The following HDAC10 variants were observed in gnomAD, a reference collection of about 807,000 sequenced individuals.
HDAC10 encodes the protein polyamine deacetylase HDAC10.
HDAC10 carries 90 observed loss-of-function variants against 82.3 expected under a neutral mutation model. The ratio of observed to expected loss-of-function variants is 1.09; its 90% CI spans 0.92 to 1.30. The LOEUF (loss-of-function observed/expected upper bound fraction) is 1.30, where lower values mean the gene tolerates loss of function less well. Ranked by LOEUF, HDAC10 falls within the 50% of genes most tolerant of loss-of-function variation. HDAC10 has a pLI of 0.00. For synonymous variants in HDAC10, 456 were observed against 391.7 expected (o/e 1.16, Z -1.94); for missense variants, 934 against 876.3 (o/e 1.07, Z -0.83).
At chr22:50,250,219 T>G in intron 3 of HDAC10, 59 bp from the exon 4 acceptor site, 1 of 1,470,136 alleles carries the variant, frequency 6.8e-7, no homozygotes, top group Non-Finnish European at 9.4e-7. Flanking sequence ...TTGCAGGCCA[T>G]ACCCACACTT....
intron 2 of HDAC10, 25 bp from the exon 3 acceptor site, chr22:50,250,548 G>A: frequency 6.3e-7 from 1 of 1,582,880 alleles, no homozygotes; most frequent in Non-Finnish European, 8.7e-7. Flanking sequence ...GCAGGCAGGA[G>A]AGGCAGGGTC....
Position 50,248,537 on chromosome 22 carries a change from G to C in HDAC10, c.907-65C>G, listed in dbSNP as rs562656108. 4 of 1,524,490 alleles carry C rather than the reference G, an allele frequency of 2.6e-6. No homozygotes were observed. Among genetic ancestry groups the C allele is most frequent in the Non-Finnish European group, 3.5e-6 (4 of 1,129,368 alleles). The allele number at this position is 1,524,490 out of a possible 1,614,324, so 94.4% of individuals were successfully genotyped here. On this transcript the variant is annotated intron_variant, in intron 10 of 19. Coordinates refer to ENST00000216271, the MANE Select transcript of HDAC10 (RefSeq NM_032019.6). The surrounding 1 kb of genome is among the most constrained non-coding windows in gnomAD (Gnocchi z 5.4). ...ACTGGGATGGGATGTCACCGGGAGA[G>C]CCCCTGCCTGGCTCTATCCCGGGCA...
intron 17 of HDAC10, 97 bp from the exon 18 acceptor site, chr22:50,246,189 G>GA: frequency 6.5e-7 from 1 of 1,529,456 alleles, no homozygotes; most frequent in Non-Finnish European, 8.9e-7. Context: ...TAGGAGCAGG[G>GA]AGACAGGAAG....
At chr22:50,250,676 T>C in intron 2 of HDAC10, 95 bp downstream of exon 2, 1 of 1,390,254 alleles carries the variant, frequency 7.2e-7, no homozygotes, top group South Asian at 1.4e-5. Context: ...GGCTCTGTAT[T>C]CGAGGCTGGC....
rs1322011624 is a variant in HDAC10, at chr22:50,248,896, G to A, written c.757-6C>T. 2 of 1,610,348 alleles carry A rather than the reference G, an allele frequency of 1.2e-6. No homozygotes were observed. The highest frequency in any genetic ancestry group is 3.3e-5 in the Admixed American group (2 of 59,760). On this transcript the variant is annotated splice_region_variant and splice_polypyrimidine_tract_variant and intron_variant, in intron 8 of 19. Transcript: ENST00000216271. This position sits in a 1 kb window ranked among gnomAD's most constrained non-coding sequence, Gnocchi z 5.4. ...AGCACCAGCTCAGGGTCAAACTACAGGCCAGGCCGGAGTGGGGAGGGTCGA... is the reference window on the plus strand; with the variant it reads ...AGCACCAGCTCAGGGTCAAACTACAAGCCAGGCCGGAGTGGGGAGGGTCGA...
rs758728540 is a variant in HDAC10, at chr22:50,249,174, A to G, written c.691-6T>C. On this transcript the variant is annotated splice_polypyrimidine_tract_variant and splice_region_variant and intron_variant, in intron 7 of 19. Coordinates refer to ENST00000216271, the MANE Select transcript of HDAC10 (RefSeq NM_032019.6). The surrounding 1 kb of genome is among the most constrained non-coding windows in gnomAD (Gnocchi z 4.4). ...TCAGCGTTTCCCATCCCAACCTGGC[A>G]GGACATCCCAGGCTACATCCTGAAC... 32 of 1,533,176 alleles carry G rather than the reference A, an allele frequency of 2.1e-5. No homozygotes were observed. The highest frequency in any genetic ancestry group is 1.8e-6 in the Non-Finnish European group (2 of 1,134,122). The allele number at this position is 1,533,176 out of a possible 1,614,324, so 95.0% of individuals were successfully genotyped here. A position where few individuals can be genotyped will look rare whatever the true frequency, so the allele number is the denominator to read the frequency against.
In HDAC10 at chr22:50,247,672, C is replaced by T. The variant is rs1301631057; in HGVS notation, c.1422+20G>A. On this transcript the variant is annotated intron_variant, in intron 14 of 19. Coordinates refer to ENST00000216271, the MANE Select transcript of HDAC10 (RefSeq NM_032019.6). ...GCCCCTAGGTCCACAGCATCCCCAA[C>T]CCCTCCCAGGTGCTCCCACCTGCCC... 3.9e-6 allele frequency: 6 copies of T among 1,538,690 alleles called. No individual in the cohort carries two copies. The Admixed American group carries it at 1.1e-4, about 28-fold the overall frequency.
At position 50,249,303 on chromosome 22, in the gene HDAC10, G is replaced by T. The variant is rs1225441413; in HGVS notation, c.690+25C>A. ...GGCCCAGGGGGAGGGGGCTGGGTGGGGACCTGGGGCTTGAGGGTGGGCACC... is the reference window on the plus strand; with the variant it reads ...GGCCCAGGGGGAGGGGGCTGGGTGGTGACCTGGGGCTTGAGGGTGGGCACC... On this transcript the variant is annotated intron_variant, in intron 7 of 19. Coordinates refer to ENST00000216271, the MANE Select transcript of HDAC10 (RefSeq NM_032019.6). This position sits in a 1 kb window ranked among gnomAD's most constrained non-coding sequence, Gnocchi z 4.4. 3 of 1,561,578 alleles carry T rather than the reference G, an allele frequency of 1.9e-6. No homozygotes were observed. Among genetic ancestry groups the T allele is most frequent in the Non-Finnish European group, 2.6e-6 (3 of 1,152,892 alleles).
In HDAC10 at chr22:50,248,903, C is replaced by G. The variant is rs778123124; in HGVS notation, c.757-13G>C. The G allele has an allele frequency of 1.9e-6, 3 of 1,609,334 alleles. No homozygotes were observed. The Admixed American group carries it at 5.0e-5, about 27-fold the overall frequency. Reference sequence around the variant, plus strand: ...GCTCAGGGTCAAACTACAGGCCAGGCCGGAGTGGGGAGGGTCGACAGAGAG... The same window carrying G: ...GCTCAGGGTCAAACTACAGGCCAGGGCGGAGTGGGGAGGGTCGACAGAGAG... On this transcript the variant is annotated splice_polypyrimidine_tract_variant and intron_variant, in intron 8 of 19. Coordinates refer to ENST00000216271, the MANE Select transcript of HDAC10 (RefSeq NM_032019.6). This position sits in a 1 kb window ranked among gnomAD's most constrained non-coding sequence, Gnocchi z 5.4.
Position 50,249,051 on chromosome 22 carries a change from A to C in HDAC10, c.756+52T>G. Reference sequence around the variant, plus strand: ...CTGCCTTCACTGGCGCACTCCAGGCACAAGGTCCCCCTCCCACCCGGCTGC... The same window carrying C: ...CTGCCTTCACTGGCGCACTCCAGGCCCAAGGTCCCCCTCCCACCCGGCTGC... On this transcript the variant is annotated intron_variant, in intron 8 of 19. Transcript: ENST00000216271. The surrounding 1 kb of genome is among the most constrained non-coding windows in gnomAD (Gnocchi z 4.4). The C allele has an allele frequency of 6.6e-7, 1 of 1,507,240 alleles. No homozygotes were observed. Among genetic ancestry groups the C allele is most frequent in the Non-Finnish European group, 9.1e-7 (1 of 1,104,006 alleles). 93.4% of individuals were successfully genotyped at this position (1,507,240 alleles called of 1,614,324 possible).
chr22:50,245,753 G>A lies in HDAC10; in HGVS notation c.1908C>T (p.Ser636=). The A allele has an allele frequency of 6.2e-7, 1 of 1,611,716 alleles. No individual in the cohort carries two copies. Residue 636 remains serine (S), a synonymous_variant, in exon 19 of 20, where the codon TCC becomes TCT. Coordinates refer to ENST00000216271, the MANE Select transcript of HDAC10 (RefSeq NM_032019.6). ...GGACGTCCTCTGGGGAGGCCACAGA[G>A]GAAGGGCCTAGGCTAGGAGGTGCCT... ...NGEAPPSLGP[S]SVASPEDVQA...
chr22:50,251,123 G>A lies in HDAC10; in HGVS notation c.-91C>T. ...CCACCTTCGGCCGGGAGCAGCCGGA[G>A]GCCTGGGACCTGCCTGGGGCGCAGG... On this transcript the variant is annotated 5_prime_UTR_variant, in exon 1 of 20. Coordinates refer to ENST00000216271, the MANE Select transcript of HDAC10 (RefSeq NM_032019.6). The A allele has an allele frequency of 3.6e-6, 5 of 1,398,424 alleles. No homozygotes were observed. The South Asian group carries it at 6.4e-5, about 18-fold the overall frequency. 86.6% of individuals were successfully genotyped at this position (1,398,424 alleles called of 1,614,324 possible).
At position 50,250,489 on chromosome 22, in the gene HDAC10, C is replaced by G. The variant is rs1269127383; in HGVS notation, c.229G>C (p.Val77Leu). ...EYVSLVRETQ[V>L]LGKEELQALS... is the part of the protein sequence containing the mutation. ...GCCTGCAGCTCCTCCTTGCCTAGGACCTGGGTCTCCCTGACCAGGGATACA... is the reference window on the plus strand; with the variant it reads ...GCCTGCAGCTCCTCCTTGCCTAGGAGCTGGGTCTCCCTGACCAGGGATACA... Residue 77 changes from valine (V) to leucine (L), a missense_variant, in exon 3 of 20, where the codon GTC becomes CTC. By Grantham distance (32) the Val-to-Leu change is conservative (BLOSUM62 1). Transcript: ENST00000216271. 2 of 1,612,920 alleles carry G rather than the reference C, an allele frequency of 1.2e-6. No individual in the cohort carries two copies. Among genetic ancestry groups the G allele is most frequent in the Middle Eastern group, 1.7e-4 (1 of 6,060 alleles).
At chr22:50,250,343 G>T in intron 3 of HDAC10, 84 bp downstream of exon 3, 1 of 1,353,046 alleles carries the variant, frequency 7.4e-7, no homozygotes, top group Non-Finnish European at 1.1e-6. Flanking sequence ...GGGGACACTG[G>T]CTGGGGTTGG....
rs1351026998 is a variant in HDAC10, at chr22:50,249,496, C to T, written c.564-42G>A. 7 of 1,610,820 alleles carry T rather than the reference C, an allele frequency of 4.3e-6. No homozygotes were observed. Among genetic ancestry groups the T allele is most frequent in the Non-Finnish European group, 5.1e-6 (6 of 1,178,848 alleles). On this transcript the variant is annotated intron_variant, in intron 6 of 19. Transcript: ENST00000216271. The surrounding 1 kb of genome is among the most constrained non-coding windows in gnomAD (Gnocchi z 4.4). ...AGGGCCAGAGGTCAAAGGTCAGGAC[C>T]CTCAACAGCTCTACAGCTCCCTGTA...
At position 50,250,600 on chromosome 22, in the gene HDAC10, CATG is replaced by C. The variant is rs1218380739; in HGVS notation, c.195-80_195-78del. 103 of 1,382,570 alleles carry C rather than the reference CATG, an allele frequency of 7.4e-5. 1 individual carries two copies. In the Admixed American group the frequency reaches 1.2e-3, roughly 16 times the overall value. The allele number at this position is 1,382,570 out of a possible 1,614,324, so 85.6% of individuals were successfully genotyped here. On this transcript the variant is annotated intron_variant, in intron 2 of 19. Transcript: ENST00000216271. ...GGGCGGGAGGCGGGGACCTGGGATT[CATG>C]GTGGGAGTGGCCACCCTGTCACTTC...
chr22:50,249,592 A>C lies in HDAC10; in HGVS notation c.563+43T>G, dbSNP rs758366953. ...TCCCAGGCCAGGCTGTGCACCCAAA[A>C]ACTGGGGCTGCAGGGAAGGGTGGTT... is the stretch of plus-strand genomic sequence containing the variant. On this transcript the variant is annotated intron_variant, in intron 6 of 19. Coordinates refer to ENST00000216271, the MANE Select transcript of HDAC10 (RefSeq NM_032019.6). The surrounding 1 kb of genome is among the most constrained non-coding windows in gnomAD (Gnocchi z 4.4). The C allele has an allele frequency of 1.9e-6, 3 of 1,611,296 alleles. No individual in the cohort carries two copies. Among genetic ancestry groups the C allele is most frequent in the African/African-American group, 2.7e-5 (2 of 74,832 alleles).
At chr22:50,250,731 C>A (rs370447056) in intron 2 of HDAC10, 40 bp downstream of exon 2, 122 of 1,519,802 alleles carry the variant, frequency 8.0e-5, no homozygotes, top group Middle Eastern at 2.4e-4. Context: ...GCTGGGCTGC[C>A]CGCCCCGCCC....
In HDAC10 at chr22:50,248,732, G is replaced by A; in HGVS notation, c.836C>T (p.Pro279Leu). The A allele has an allele frequency of 6.3e-7, 1 of 1,575,568 alleles. No individual in the cohort carries two copies. Residue 279 changes from proline (P) to leucine (L), a missense_variant, in exon 10 of 20, where the codon CCA (proline) becomes CTA (leucine). By Grantham distance (98) the Pro-to-Leu change is moderately conservative. Transcript: ENST00000216271. The surrounding 1 kb of genome is among the most constrained non-coding windows in gnomAD (Gnocchi z 5.4). ...CTGTGTGAGGTGGGCGAAGCACTCT[G>A]GCGTGGCCTGCATTTGCCCCTGGAA... ...GDPEGQMQAT[P>L]ECFAHLTQLL...
Sources: gnomAD v4.1 joint callset for allele counts on GRCh38, gnomAD v4.1.1 for gene constraint, Gnocchi (gnomAD v3.1) non-coding constraint, MANE v1.5 for transcripts, NCBI Gene and HGNC (gene_info 2026-07-23, HGNC 2026-07-21) for gene names.